The following ZMYM2 variants were observed in gnomAD, a reference collection of about 807,000 sequenced individuals.
The protein encoded by ZMYM2 is zinc finger MYM-type protein 2.
Under a neutral mutation model 162.8 loss-of-function variants are expected in ZMYM2, and 56 were observed. The ratio of observed to expected loss-of-function variants is 0.34; its 90% CI spans 0.28 to 0.43. The LOEUF is 0.43. Ranked by LOEUF, ZMYM2 falls within the 20% of genes least tolerant of loss-of-function variation. The probability of loss-of-function intolerance (pLI) is 1.00; values close to 1 mark genes in which losing one functional copy is unlikely to be tolerated. For synonymous variants in ZMYM2, 510 were observed against 541.6 expected (o/e 0.94, Z 0.81); for missense variants, 1,275 against 1,621.8 (o/e 0.79, Z 3.67).
intron 3 of ZMYM2, among the ~76,000 whole-genome samples, chr13:19,995,653 A>C (rs1949963551): frequency 6.6e-6 from 1 of 152,194 alleles, no homozygotes; most frequent in African/African-American, 2.4e-5. Context: ...TTCTGGGATT[A>C]CAGGTGTGAG....
At chr13:20,082,502 A>G (rs1957976445) in intron 22 of ZMYM2, among the ~76,000 whole-genome samples, 1 of 152,142 alleles carries the variant, frequency 6.6e-6, no homozygotes, top group African/African-American at 2.4e-5. Context: ...CCTGAATTTT[A>G]ATTTTAAAAG....
the ZMYM2 span, among the ~76,000 whole-genome samples, chr13:19,941,566 C>G: frequency 1.3e-5 from 2 of 151,872 alleles, no homozygotes; most frequent in Admixed American, 1.3e-4. Context: ...TTTGAGGTCC[C>G]TAATTTTATA....
chr13:19,923,143 C>A, the ZMYM2 span, among the ~76,000 whole-genome samples: 1 of 141,976 alleles, frequency 7.0e-6, no homozygotes, highest in Admixed American at 7.3e-5. Context: ...AGTTCGAGAA[C>A]AACTTGAACA....
chr13:19,891,447 G>A, the ZMYM2 span, among the ~76,000 whole-genome samples: 10 of 150,956 alleles, frequency 6.6e-5, no homozygotes, highest in Admixed American at 2.0e-4. Context: ...AGCTAATACC[G>A]TGTGACAGTT....
At chr13:20,018,219 G>A (rs1454014366) in intron 6 of ZMYM2, among the ~76,000 whole-genome samples, 2 of 152,076 alleles carry the variant, frequency 1.3e-5, no homozygotes, top group African/African-American at 4.8e-5. Flanking sequence ...TAGAGAAAAT[G>A]TTCTTAGTAC....
intron 2 of ZMYM2, among the ~76,000 whole-genome samples, chr13:19,966,252 A>C (rs535250178): frequency 6.6e-6 from 1 of 151,944 alleles, no homozygotes; most frequent in South Asian, 2.1e-4. Flanking sequence ...CTCCTGCCTC[A>C]GCCTCCTGAG....
In ZMYM2 at chr13:19,970,600, CAAAAA is replaced by C. The variant is rs11365281; in HGVS notation, c.-11+10592_-11+10596del. 3.7e-3 allele frequency among the ~76,000 whole-genome samples: 324 copies of C among 88,102 alleles called. 1 individual carries two copies. The highest frequency in any genetic ancestry group is 0.011 in the African/African-American group (282 of 25,582). 57.8% of individuals were successfully genotyped at this position (88,102 alleles called of 152,430 possible). A position where few individuals can be genotyped will look rare whatever the true frequency, so the allele number is the denominator to read the frequency against. On this transcript the variant is annotated intron_variant, in intron 2 of 24. Coordinates refer to ENST00000610343, the MANE Select transcript of ZMYM2 (RefSeq NM_197968.4). ...AGGGAGGAGTGAAAAAACCCCAAAC[CAAAAA>C]AAAAAAAAAAAAAAAAAGGGCATCC...
At chr13:19,871,246 A>G in the ZMYM2 span, among the ~76,000 whole-genome samples, 1 of 152,182 alleles carries the variant, frequency 6.6e-6, no homozygotes, top group Non-Finnish European at 1.5e-5. Flanking sequence ...CAGAAAGTAA[A>G]GAGATAAAAA....
At chr13:19,994,061 G>T in intron 3 of ZMYM2, 142 bp downstream of exon 3, 9 of 1,038,786 alleles carry the variant, frequency 8.7e-6, no homozygotes, top group South Asian at 6.0e-5. Flanking sequence ...TCTTAAGTTT[G>T]GTATTTTAAT....
the ZMYM2 span, among the ~76,000 whole-genome samples, chr13:19,879,327 A>T: frequency 1.1e-4 from 16 of 152,296 alleles, no homozygotes; most frequent in African/African-American, 3.8e-4. Flanking sequence ...TGTAATCCCA[A>T]CACTTTTGGA....
In ZMYM2 at chr13:20,015,932, T is replaced by C. The variant is rs148429736; in HGVS notation, c.1513-3615T>C. 2.2e-3 allele frequency among the ~76,000 whole-genome samples: 341 copies of C among 152,180 alleles called. 3 individuals are homozygous for C. Among genetic ancestry groups the C allele is most frequent in the African/African-American group, 7.7e-3 (320 of 41,556 alleles). On this transcript the variant is annotated intron_variant, in intron 6 of 24. Transcript: ENST00000610343. ...AATGTACATGGATCAAATTATCCGA[T>C]CAAAAAGCAGAAATTGACAGAATAG...
At chr13:20,044,248 C>T (rs1008022216) in intron 12 of ZMYM2, among the ~76,000 whole-genome samples, 5 of 152,192 alleles carry the variant, frequency 3.3e-5, no homozygotes, top group Non-Finnish European at 5.9e-5. Flanking sequence ...AAGCAGCTTT[C>T]CCTGCCAACT....
At chr13:20,074,196 TTGTGTGTGTGTGTG>T (rs59855358) in intron 21 of ZMYM2, among the ~76,000 whole-genome samples, 24 of 141,608 alleles carry the variant, frequency 1.7e-4, no homozygotes, top group East Asian at 4.3e-4. Context: ...ATGTCAGAAT[TTGTGTGTGTGTGTG>T]TGTGTGTGTG....
At chr13:19,907,553 A>G in the ZMYM2 span, among the ~76,000 whole-genome samples, 1 of 152,110 alleles carries the variant, frequency 6.6e-6, no homozygotes, top group Admixed American at 6.6e-5. Context: ...TGAGGTCAGG[A>G]GTTTGAAACC....
intron 10 of ZMYM2, among the ~76,000 whole-genome samples, chr13:20,032,426 G>A (rs528479222): frequency 3.3e-5 from 5 of 151,808 alleles, no homozygotes; most frequent in Admixed American, 1.3e-4. Context: ...GGTGGGGCAG[G>A]GTGGGAGGTA....
chr13:19,891,018 G>T, the ZMYM2 span, among the ~76,000 whole-genome samples: 1 of 151,918 alleles, frequency 6.6e-6, no homozygotes, highest in Non-Finnish European at 1.5e-5. Flanking sequence ...AGATTGAATT[G>T]TAGAAAACAT....
chr13:19,915,181 G>A, the ZMYM2 span, among the ~76,000 whole-genome samples: 6 of 152,088 alleles, frequency 3.9e-5, no homozygotes, highest in Non-Finnish European at 7.4e-5. Context: ...GGCTGGTGTC[G>A]AACTCCCGAC....
the ZMYM2 span, among the ~76,000 whole-genome samples, chr13:19,901,183 A>C: frequency 6.6e-6 from 1 of 152,074 alleles, no homozygotes; most frequent in Non-Finnish European, 1.5e-5. Context: ...TTCAAATACC[A>C]TTACATTGGG....
chr13:19,959,169 C>CCGGCGGGG (rs1248296752), intron 1 of ZMYM2, among the ~76,000 whole-genome samples: 12 of 147,842 alleles, frequency 8.1e-5, no homozygotes, highest in Middle Eastern at 3.5e-3. Flanking sequence ...GGTCGCGGGG[C>CCGGCGGGG]CGGCGGGGCG....
Sources: gnomAD v4.1 joint callset for allele counts (sites outside exome capture counted in the v4.1 genomes callset) on GRCh38, gnomAD v4.1.1 for gene constraint, MANE v1.5 for transcripts, NCBI Gene and HGNC (gene_info 2026-07-23, HGNC 2026-07-21) for gene names.